The following BTBD10 variants were observed in gnomAD, a reference collection of about 807,000 sequenced individuals.
BTBD10 encodes the protein BTB/POZ domain-containing protein 10.
In BTBD10, 21 loss-of-function variants were observed where a neutral mutation model predicts 53.2. That is an observed-to-expected ratio of 0.39 (90% CI 0.28 to 0.57). The LOEUF is 0.57. BTBD10 is among the 20% of genes least tolerant of loss of function. The probability of loss-of-function intolerance (pLI) is 0.53; values close to 1 mark genes in which losing one functional copy is unlikely to be tolerated. For missense variants in BTBD10, 360 were observed against 594.7 expected (o/e 0.61, Z 4.10); for synonymous variants, 149 against 192.7 (o/e 0.77, Z 1.88).
chr11:13,452,478 T>C (rs1950881336), intron 1 of BTBD10, among the ~76,000 whole-genome samples: 1 of 152,184 alleles, frequency 6.6e-6, no homozygotes, highest in Admixed American at 6.5e-5. Flanking sequence ...AAATCAGCAA[T>C]GATTTTAATT....
At position 13,414,420 on chromosome 11, in the gene BTBD10, G is replaced by A. The variant is rs949909924; in HGVS notation, c.688-770C>T. 6.6e-5 allele frequency among the ~76,000 whole-genome samples: 10 copies of A among 152,070 alleles called. No individual in the cohort carries two copies. In the South Asian group the frequency reaches 8.3e-4, roughly 13 times the overall value. Reference sequence around the variant, plus strand: ...TATAATCTCAGAACTTTGGGAGGCCGAGGTAGACAGATCACCTGAGGTCAG... The same window carrying A: ...TATAATCTCAGAACTTTGGGAGGCCAAGGTAGACAGATCACCTGAGGTCAG... On this transcript the variant is annotated intron_variant, in intron 5 of 8. Transcript: ENST00000278174.
intron 1 of BTBD10, among the ~76,000 whole-genome samples, chr11:13,456,091 T>C (rs1159436317): frequency 3.9e-5 from 6 of 152,306 alleles, no homozygotes; most frequent in East Asian, 1.9e-4. Context: ...AAACACTTGC[T>C]CACAAAGAAA....
chr11:13,424,944 G>T (rs947521032), intron 2 of BTBD10, among the ~76,000 whole-genome samples: 4 of 152,268 alleles, frequency 2.6e-5, no homozygotes, highest in Non-Finnish European at 4.4e-5. Context: ...GAAAGACATG[G>T]AGCTGAGACA....
At chr11:13,398,611 T>A (rs1042878930) in intron 8 of BTBD10, among the ~76,000 whole-genome samples, 9 of 152,220 alleles carry the variant, frequency 5.9e-5, no homozygotes, top group Non-Finnish European at 8.8e-5. Context: ...ATTTTGTTCA[T>A]TAGTTGATGC....
rs192165691 is a variant in BTBD10, at chr11:13,413,383, T to A, written c.808+147A>T. The A allele has an allele frequency of 1.8e-4, 105 of 576,092 alleles. No individual in the cohort carries two copies. The African/African-American group carries it at 1.9e-3, about 10-fold the overall frequency. The allele number at this position is 576,092 out of a possible 1,614,324, so 35.7% of individuals were successfully genotyped here. A position where few individuals can be genotyped will look rare whatever the true frequency, so the allele number is the denominator to read the frequency against. ...GAGATCATCAAGGTCTTTGCAAGCT[T>A]TCATTAATAATCTTTGTGGTACTAG... On this transcript the variant is annotated intron_variant, in intron 6 of 8. Transcript: ENST00000278174.
intron 8 of BTBD10, among the ~76,000 whole-genome samples, chr11:13,395,586 T>C (rs1361128664): frequency 5.9e-5 from 9 of 152,236 alleles, no homozygotes; most frequent in Non-Finnish European, 1.3e-4. Context: ...CCATTGCTTT[T>C]GGTGTTTTAG....
chr11:13,411,463 T>A (rs902968352), intron 6 of BTBD10, among the ~76,000 whole-genome samples: 2 of 152,224 alleles, frequency 1.3e-5, no homozygotes, highest in African/African-American at 4.8e-5. Context: ...ATATAGTTTT[T>A]TTTTAAAACG....
chr11:13,442,710 C>A (rs764825816), intron 2 of BTBD10, among the ~76,000 whole-genome samples: 1 of 152,122 alleles, frequency 6.6e-6, no homozygotes, highest in Admixed American at 6.6e-5. Context: ...TAGTTCCATG[C>A]GTGGATACTA....
At chr11:13,440,301 T>TC in intron 2 of BTBD10, 1 of 1,157,132 alleles carries the variant, frequency 8.6e-7, no homozygotes, top group Non-Finnish European at 1.1e-6. Context: ...GTCCCATTTC[T>TC]CCATCTCTGA....
chr11:13,444,993 T>A (rs1010372578), intron 2 of BTBD10, 31 bp downstream of exon 2: 1 of 1,538,968 alleles, frequency 6.5e-7, no homozygotes. Flanking sequence ...TAGCAGAGCT[T>A]TCATATGCGA....
intron 1 of BTBD10, among the ~76,000 whole-genome samples, chr11:13,451,920 C>T (rs1950867752): frequency 6.6e-6 from 1 of 151,854 alleles, no homozygotes; most frequent in African/African-American, 2.4e-5. Flanking sequence ...TGCCAACTGT[C>T]AAAAGAAATG....
chr11:13,431,096 C>T (rs967971468), intron 2 of BTBD10, among the ~76,000 whole-genome samples: 3 of 151,866 alleles, frequency 2.0e-5, no homozygotes, highest in African/African-American at 4.8e-5. Flanking sequence ...AACTACTTAG[C>T]CATTTTAATT....
intron 1 of BTBD10, among the ~76,000 whole-genome samples, chr11:13,447,208 C>G (rs1950765757): frequency 1.3e-5 from 2 of 151,876 alleles, no homozygotes; most frequent in South Asian, 4.1e-4. Flanking sequence ...TCAAGTGATC[C>G]TCCCACCTCA....
At chr11:13,394,821 C>T (rs1284286274) in intron 8 of BTBD10, among the ~76,000 whole-genome samples, 1 of 151,878 alleles carries the variant, frequency 6.6e-6, no homozygotes, top group African/African-American at 2.4e-5. Flanking sequence ...CGATAGTTTG[C>T]TGAGAATGAT....
chr11:13,435,016 A>G (rs1418852910), intron 2 of BTBD10, among the ~76,000 whole-genome samples: 1 of 152,236 alleles, frequency 6.6e-6, no homozygotes. Flanking sequence ...TAGACATGTT[A>G]AAAGTGAGAT....
At chr11:13,462,126 C>A (rs1320285663) in intron 1 of BTBD10, among the ~76,000 whole-genome samples, 1 of 152,036 alleles carries the variant, frequency 6.6e-6, no homozygotes, top group Admixed American at 6.6e-5. Context: ...ATCTCTTATT[C>A]CGATTTCCAC....
chr11:13,436,579 C>G (rs939784087), intron 2 of BTBD10, among the ~76,000 whole-genome samples: 2 of 152,158 alleles, frequency 1.3e-5, no homozygotes, highest in Non-Finnish European at 2.9e-5. Flanking sequence ...GGAAACTTAG[C>G]GGCTAAGCAA....
intron 5 of BTBD10, among the ~76,000 whole-genome samples, chr11:13,414,236 G>T (rs10766081): frequency 6.6e-6 from 1 of 152,056 alleles, no homozygotes; most frequent in East Asian, 1.9e-4. Flanking sequence ...AATCCACTTA[G>T]TAAGTTGTTA....
Position 13,421,839 on chromosome 11 carries a change from C to T in BTBD10, c.102-1G>A. ...TCCTTTAGCAATACGCGAGGAAGTACTGATAAGTTAGAAAGGAAAATTAAC... is the reference window on the plus strand; with the variant it reads ...TCCTTTAGCAATACGCGAGGAAGTATTGATAAGTTAGAAAGGAAAATTAAC... On this transcript the variant is annotated splice_acceptor_variant, in intron 2 of 8. Coordinates refer to ENST00000278174, the MANE Select transcript of BTBD10 (RefSeq NM_032320.7). LOFTEE classifies it high-confidence loss of function. The T allele has an allele frequency of 6.3e-7, 1 of 1,594,926 alleles. No homozygotes were observed. Among genetic ancestry groups the T allele is most frequent in the Non-Finnish European group, 8.6e-7 (1 of 1,169,112 alleles).
Sources: gnomAD v4.1 joint callset for allele counts (sites outside exome capture counted in the v4.1 genomes callset) on GRCh38, gnomAD v4.1.1 for gene constraint, MANE v1.5 for transcripts, NCBI Gene and HGNC (gene_info 2026-07-23, HGNC 2026-07-21) for gene names.